The following PP2D1 variants were observed in gnomAD, a reference collection of about 807,000 sequenced individuals.
PP2D1 encodes the protein protein phosphatase 2C-like domain-containing protein 1.
Under a neutral mutation model 30.2 loss-of-function variants are expected in PP2D1, and 25 were observed. That is an observed-to-expected ratio of 0.83 (90% CI 0.60 to 1.16). The LOEUF is 1.16. Among genes scored for constraint, PP2D1 ranks in the 50% most tolerant of loss-of-function variants. The pLI is 0.00. For missense variants in PP2D1, 760 were observed against 742.4 expected, an observed-to-expected ratio of 1.02 and a Z score of -0.28; for synonymous variants, 260 against 258.9, an observed-to-expected ratio of 1.00 and a Z score of -0.04.
At chr3:19,999,975 C>G (rs540572515) in intron 2 of PP2D1, among the ~76,000 whole-genome samples, 1 of 152,126 alleles carries the variant, frequency 6.6e-6, no homozygotes, top group Non-Finnish European at 1.5e-5. Flanking sequence ...GGCTCAGAAC[C>G]AGGTTGGATC....
At chr3:19,982,407 C>T (rs571381306), downstream of PP2D1, among the ~76,000 whole-genome samples, 1 of 152,276 alleles carries the variant, frequency 6.6e-6, no homozygotes, top group East Asian at 1.9e-4. Flanking sequence ...AGTTTTGACA[C>T]ATGCAGGCAT....
intron 1 of PP2D1, among the ~76,000 whole-genome samples, chr3:20,005,374 A>G (rs189407800): frequency 7.1e-4 from 107 of 150,736 alleles, no homozygotes; most frequent in Non-Finnish European, 1.2e-3. Context: ...CTCGTCTTGA[A>G]CTCCCGACCT....
At chr3:20,009,415 A>G (rs182107955) in intron 1 of PP2D1, among the ~76,000 whole-genome samples, 116 of 152,276 alleles carry the variant, frequency 7.6e-4, no homozygotes, top group Non-Finnish European at 1.5e-3. Flanking sequence ...GAGCTATGAC[A>G]GTGCCACAAT....
intron 2 of PP2D1, among the ~76,000 whole-genome samples, chr3:19,989,519 TTAA>T (rs528151372): frequency 1.5e-4 from 23 of 152,354 alleles, no homozygotes; most frequent in African/African-American, 5.3e-4. Context: ...AGTTTGGTTA[TTAA>T]TATTGTGTGT....
chr3:19,998,912 G>A (rs375116336), intron 2 of PP2D1, among the ~76,000 whole-genome samples: 163 of 152,154 alleles, frequency 1.1e-3, no homozygotes, highest in South Asian at 9.1e-3. Context: ...GCTAAATCAT[G>A]ACCTCAGGTT....
intron 1 of PP2D1, among the ~76,000 whole-genome samples, chr3:20,006,994 CACACACACACGTAT>C (rs1262456899): frequency 1.9e-3 from 226 of 119,638 alleles, no homozygotes; most frequent in Non-Finnish European, 3.3e-3. Context: ...TATGTATACA[CACACACACACGTAT>C]ACACACACAC....
chr3:19,992,962 G>T (rs561727866), intron 2 of PP2D1, among the ~76,000 whole-genome samples: 1 of 151,998 alleles, frequency 6.6e-6, no homozygotes, highest in African/African-American at 2.4e-5. Context: ...GAGGCTAGGG[G>T]TTCCAGGCTG....
At chr3:20,002,162 G>A (rs1412795311) in intron 1 of PP2D1, 66 bp from the exon 2 acceptor site, 8 of 991,150 alleles carry the variant, frequency 8.1e-6, no homozygotes, top group Non-Finnish European at 1.0e-5. Context: ...CAAGCAGGCT[G>A]TTATCATTGC....
At chr3:19,990,510 C>T (rs1227026346) in intron 2 of PP2D1, among the ~76,000 whole-genome samples, 1 of 146,932 alleles carries the variant, frequency 6.8e-6, no homozygotes, top group Non-Finnish European at 1.5e-5. Flanking sequence ...GAGAAGTAGC[C>T]AGCGTTTCTT....
At chr3:19,987,538 G>T (rs1034986030) in intron 2 of PP2D1, among the ~76,000 whole-genome samples, 2 of 152,078 alleles carry the variant, frequency 1.3e-5, no homozygotes, top group Non-Finnish European at 2.9e-5. Context: ...ATATGATATT[G>T]TACCTGGGAT....
intron 1 of PP2D1, among the ~76,000 whole-genome samples, chr3:20,006,770 C>A (rs778917427): frequency 6.6e-6 from 1 of 151,464 alleles, no homozygotes; most frequent in African/African-American, 2.4e-5. Flanking sequence ...TCGGCCCTCC[C>A]GTATACTTGT....
chr3:20,001,246 T>C lies in PP2D1; in HGVS notation c.874A>G (p.Arg292Gly). 1 of 1,536,110 alleles carries C rather than the reference T, an allele frequency of 6.5e-7. No individual in the cohort carries two copies. The highest frequency in any genetic ancestry group is 8.7e-7 in the Non-Finnish European group (1 of 1,146,884). Residue 292 changes from arginine to glycine, a missense_variant, in exon 2 of 3, where the codon AGA becomes GGA. Transcript: ENST00000389050. Reference sequence around the variant, plus strand: ...CCAAGACCTAAAAGCCTATCCATTCTCCAAAATGCTTTTGCAAAGGCTTTG... The same window carrying C: ...CCAAGACCTAAAAGCCTATCCATTCCCCAAAATGCTTTTGCAAAGGCTTTG... ...THKAFAKAFW[R>G]MDRLLGLGRK...
chr3:20,001,000 G>A, intron 2 of PP2D1, 30 bp downstream of exon 2: 1 of 1,209,960 alleles, frequency 8.3e-7, no homozygotes, highest in Non-Finnish European at 1.1e-6. Flanking sequence ...AAACATAAAG[G>A]TGTTATTTGG....
At chr3:19,992,922 A>T (rs1156869915) in intron 2 of PP2D1, among the ~76,000 whole-genome samples, 1 of 152,182 alleles carries the variant, frequency 6.6e-6, no homozygotes, top group Non-Finnish European at 1.5e-5. Context: ...AGGCCTAGCT[A>T]CTTGGGAGGC....
intron 2 of PP2D1, among the ~76,000 whole-genome samples, chr3:19,991,994 T>C (rs921345699): frequency 6.6e-6 from 1 of 152,160 alleles, no homozygotes; most frequent in Non-Finnish European, 1.5e-5. Flanking sequence ...TAAATTAGGA[T>C]TGCATGTAAA....
chr3:19,999,484 C>A (rs539554357), intron 2 of PP2D1, among the ~76,000 whole-genome samples: 372 of 151,898 alleles, frequency 2.4e-3, no homozygotes, highest in Non-Finnish European at 4.6e-3. Context: ...CAGGCTCAAG[C>A]GATTCTCCTG....
chr3:19,985,570 G>A lies in PP2D1; in HGVS notation c.1703C>T (p.Thr568Ile), dbSNP rs867716011. 8 of 1,535,946 alleles carry A rather than the reference G, an allele frequency of 5.2e-6. No homozygotes were observed. In the African/African-American group the frequency reaches 5.5e-5, roughly 11 times the overall value. ...THRKPCSEKVTDRPTSVNDVA... is the reference protein window; with the variant it reads ...THRKPCSEKVIDRPTSVNDVA... ...ATCATTTACACTAGTTGGTCTGTCA[G>A]TTACTTTTTCACTGCAAGGTTTACG... Residue 568 changes from threonine (T) to isoleucine (I), a missense_variant, in exon 3 of 3, where the codon ACT (threonine) becomes ATT (isoleucine). By Grantham distance (89) the Thr-to-Ile change is moderately conservative. Transcript: ENST00000389050.
rs184483677 is a variant in PP2D1 at position 19,990,128 on chromosome 3, G to T, written c.1091-3946C>A. 2.6e-4 allele frequency among the ~76,000 whole-genome samples: 39 copies of T among 152,190 alleles called. No homozygotes were observed. In the East Asian group the frequency reaches 6.6e-3, roughly 26 times the overall value. Reference sequence around the variant, plus strand: ...GAAAGGACATTAAATCCTGGTTGCAGTTCTTCCTCTACCTGTTAAAAAGGG... The same window carrying T: ...GAAAGGACATTAAATCCTGGTTGCATTTCTTCCTCTACCTGTTAAAAAGGG... On this transcript the variant is annotated intron_variant, in intron 2 of 2. Coordinates refer to ENST00000389050, the MANE Select transcript of PP2D1 (RefSeq NM_001252657.2).
intron 1 of PP2D1, among the ~76,000 whole-genome samples, chr3:20,005,093 A>G (rs1195831831): frequency 1.3e-5 from 2 of 152,150 alleles, no homozygotes; most frequent in Non-Finnish European, 2.9e-5. Flanking sequence ...CGTGGGCTAC[A>G]GATCGAGACC....
Sources: gnomAD v4.1 joint callset for allele counts (sites outside exome capture counted in the v4.1 genomes callset) on GRCh38, gnomAD v4.1.1 for gene constraint, MANE v1.5 for transcripts, NCBI Gene and HGNC (gene_info 2026-07-23, HGNC 2026-07-21) for gene names.